IGFL2: variants seen among roughly 807,000 people sequenced by gnomAD.
IGFL2 encodes IGF like family member 2.
IGFL2 carries 7 observed loss-of-function variants against 13.9 expected under a neutral mutation model. That is an observed-to-expected ratio of 0.51 (90% CI 0.29 to 0.95). The LOEUF (loss-of-function observed/expected upper bound fraction) is 0.95. Ranked by LOEUF, IGFL2 falls within the 40% of genes least tolerant of loss-of-function variation. The pLI is 0.08. For synonymous variants in IGFL2, 55 were observed against 55.8 expected (o/e 0.99, Z 0.07); for missense variants, 138 against 147.8 (o/e 0.93, Z 0.34).
the IGFL2 span, among the ~76,000 whole-genome samples, chr19:46,188,371 GAA>G: frequency 2.0e-5 from 3 of 152,224 alleles, no homozygotes; most frequent in Non-Finnish European, 4.4e-5. Flanking sequence ...TCAGCTAAGT[GAA>G]AGGTCCATCC....
the IGFL2 span, among the ~76,000 whole-genome samples, chr19:46,109,779 G>T: frequency 6.6e-6 from 1 of 152,232 alleles, no homozygotes; most frequent in South Asian, 2.1e-4. Context: ...AGGGTGGGGA[G>T]GGTGTATTGT....
chr19:46,124,029 A>G, the IGFL2 span: 2 of 1,611,550 alleles, frequency 1.2e-6, no homozygotes, highest in Non-Finnish European at 1.7e-6. Context: ...AGGTGGAGCC[A>G]CAGCGGCGGG....
At chr19:46,175,843 A>T in the IGFL2 span, among the ~76,000 whole-genome samples, 1 of 119,974 alleles carries the variant, frequency 8.3e-6, no homozygotes, top group Admixed American at 8.4e-5. Flanking sequence ...GCCTGGCACT[A>T]TTTTTTTTTT....
the IGFL2 span, among the ~76,000 whole-genome samples, chr19:46,109,473 C>G: frequency 1.3e-5 from 2 of 152,062 alleles, no homozygotes; most frequent in Non-Finnish European, 1.5e-5. Flanking sequence ...CGCCACCACA[C>G]CCAGCTAATT....
chr19:46,153,072 A>C (rs533486738), intron 1 of IGFL2, among the ~76,000 whole-genome samples: 1 of 152,018 alleles, frequency 6.6e-6, no homozygotes, highest in East Asian at 1.9e-4. Context: ...TTGGTTTGCT[A>C]TGTTTTGTTG....
the IGFL2 span, among the ~76,000 whole-genome samples, chr19:46,083,922 G>A: frequency 3.3e-5 from 5 of 152,112 alleles, no homozygotes; most frequent in African/African-American, 1.2e-4. Flanking sequence ...GCAATGGTGG[G>A]CATTTACTGC....
the IGFL2 span, among the ~76,000 whole-genome samples, chr19:46,176,051 C>A: frequency 1.0e-5 from 1 of 99,702 alleles, no homozygotes; most frequent in African/African-American, 4.1e-5. Context: ...GACGGGGTTT[C>A]ACCACGTTGG....
the IGFL2 span, among the ~76,000 whole-genome samples, chr19:46,121,813 G>T: frequency 6.6e-6 from 1 of 151,010 alleles, no homozygotes; most frequent in Non-Finnish European, 1.5e-5. Flanking sequence ...AGAGACAAAG[G>T]CTTGCTGGGG....
the IGFL2 span, among the ~76,000 whole-genome samples, chr19:46,093,468 A>G: frequency 1.3e-5 from 2 of 152,182 alleles, no homozygotes; most frequent in Non-Finnish European, 2.9e-5. Context: ...TAAAGATGGA[A>G]TGTTTTCCTC....
At chr19:46,139,343 A>ATT (rs61483326), upstream of IGFL2, among the ~76,000 whole-genome samples, 2,174 of 146,656 alleles carry the variant, frequency 0.015, 22 homozygotes, top group Middle Eastern at 0.041. Context: ...ATCAAAACCA[A>ATT]TTTTTTTTTT....
upstream of IGFL2, among the ~76,000 whole-genome samples, chr19:46,146,220 A>T (rs1226974159): frequency 6.6e-6 from 1 of 151,092 alleles, no homozygotes; most frequent in African/African-American, 2.4e-5. Context: ...CTTTTCCCCC[A>T]TTGAATTGCC....
the IGFL2 span, among the ~76,000 whole-genome samples, chr19:46,191,661 T>C: frequency 6.6e-6 from 1 of 152,092 alleles, no homozygotes; most frequent in Non-Finnish European, 1.5e-5. Flanking sequence ...AAAGAAAGCA[T>C]GTTTTTGGAG....
chr19:46,100,727 A>C, the IGFL2 span, among the ~76,000 whole-genome samples: 1 of 152,126 alleles, frequency 6.6e-6, no homozygotes, highest in Non-Finnish European at 1.5e-5. Flanking sequence ...CTTATTTAGG[A>C]ACTGAAAGTG....
chr19:46,174,618 G>T, the IGFL2 span, among the ~76,000 whole-genome samples: 2 of 152,142 alleles, frequency 1.3e-5, no homozygotes, highest in Non-Finnish European at 2.9e-5. Flanking sequence ...AAATGTATGA[G>T]GAGTGGGTAG....
chr19:46,136,890 C>G, the IGFL2 span: 2 of 794,236 alleles, frequency 2.5e-6, no homozygotes, highest in Non-Finnish European at 4.5e-6. Flanking sequence ...TGTATTGGTA[C>G]TTGGTCTAGA....
At chr19:46,123,768 G>A in the IGFL2 span, 173 of 1,177,646 alleles carry the variant, frequency 1.5e-4, 8 homozygotes, top group African/African-American at 1.2e-3. Context: ...TTCCCCTGCT[G>A]CCACCAGCCT....
chr19:46,105,590 A>G, the IGFL2 span, among the ~76,000 whole-genome samples: 31 of 152,194 alleles, frequency 2.0e-4, no homozygotes, highest in African/African-American at 7.2e-4. Context: ...GCCAGGAACA[A>G]TGGTAATCGT....
intron 1 of IGFL2, among the ~76,000 whole-genome samples, chr19:46,155,356 C>G (rs1568429171): frequency 6.6e-6 from 1 of 152,146 alleles, no homozygotes; most frequent in Non-Finnish European, 1.5e-5. Context: ...GACTACCCAG[C>G]ATAGAGCTTC....
At chr19:46,185,486 C>T in the IGFL2 span, among the ~76,000 whole-genome samples, 67 of 152,328 alleles carry the variant, frequency 4.4e-4, no homozygotes, top group Non-Finnish European at 9.0e-4. Flanking sequence ...AGTCAAGGAA[C>T]CTGGGCTCTT....
Sources: allele counts gnomAD v4.1 joint callset (sites outside exome capture counted in the v4.1 genomes callset), GRCh38; gene constraint gnomAD v4.1.1; transcripts MANE v1.5; gene names NCBI Gene and HGNC (gene_info 2026-07-23, HGNC 2026-07-21).